KIAA1328: variants seen among roughly 807,000 people sequenced by gnomAD.
KIAA1328 encodes KIAA1328.
A neutral mutation model predicts 68.1 loss-of-function variants in KIAA1328; 52 were observed. That is an observed-to-expected ratio of 0.76 (90% confidence interval 0.61 to 0.96). The LOEUF (loss-of-function observed/expected upper bound fraction) is 0.96. Ranked by LOEUF, KIAA1328 falls within the 40% of genes least tolerant of loss-of-function variation. The pLI is 0.00. For missense variants in KIAA1328, 641 were observed against 677.6 expected (o/e 0.95, Z 0.60); for synonymous variants, 232 against 239.4 (o/e 0.97, Z 0.28).
chr18:36,940,674 C>CTTTT (rs1272164052), intron 5 of KIAA1328, among the ~76,000 whole-genome samples: 3 of 127,694 alleles, frequency 2.3e-5, no homozygotes, highest in Admixed American at 8.0e-5. Context: ...GCTCATTTTA[C>CTTTT]TTTTTTTTTT....
intron 9 of KIAA1328, among the ~76,000 whole-genome samples, chr18:37,204,072 A>AGTGCTGG (rs1364564108): frequency 6.6e-6 from 1 of 152,178 alleles, no homozygotes; most frequent in Non-Finnish European, 1.5e-5. Context: ...GGCCTCCCAA[A>AGTGCTGG]GTGCTGGGAT....
chr18:37,142,942 G>GT (rs551875920), intron 7 of KIAA1328, among the ~76,000 whole-genome samples: 24,700 of 140,162 alleles, frequency 0.18, 2,112 homozygotes, highest in African/African-American at 0.21. Flanking sequence ...ATTTACTTTG[G>GT]TTTTTTTTTT....
In KIAA1328 at chr18:37,188,663, G is replaced by A. The variant is rs117243858; in HGVS notation, c.1523+15582G>A. Among the ~76,000 whole-genome samples, 42 of 152,290 alleles carry A rather than the reference G, an allele frequency of 2.8e-4. No individual in the cohort carries two copies. The East Asian group carries it at 6.4e-3, about 23-fold the overall frequency. Reference sequence around the variant, plus strand: ...TTTCCAGAACTGTCTCCTTCAGTAAGTTTATGCCTCACCACAGTCCTCACC... The same window carrying A: ...TTTCCAGAACTGTCTCCTTCAGTAAATTTATGCCTCACCACAGTCCTCACC... On this transcript the variant is annotated intron_variant, in intron 9 of 9. Transcript: ENST00000280020.
intron 9 of KIAA1328, among the ~76,000 whole-genome samples, chr18:37,210,601 C>G (rs1465355606): frequency 6.6e-6 from 1 of 152,134 alleles, no homozygotes; most frequent in Admixed American, 6.5e-5. Flanking sequence ...TACCACACAG[C>G]CCCAGCAGGA....
At chr18:37,037,003 A>G (rs322651) in intron 6 of KIAA1328, among the ~76,000 whole-genome samples, 90,612 of 151,988 alleles carry the variant, frequency 0.6, 28,860 homozygotes, top group East Asian at 0.87. Flanking sequence ...AATTTTTTGA[A>G]TTTTCATCAT....
intron 6 of KIAA1328, among the ~76,000 whole-genome samples, chr18:37,062,335 G>GT (rs1238580639): frequency 6.6e-5 from 10 of 151,998 alleles, no homozygotes; most frequent in African/African-American, 2.2e-4. Flanking sequence ...ATATGAGTGG[G>GT]TTTTTTTCTT....
At chr18:37,188,677 A>G (rs2059848058) in intron 9 of KIAA1328, among the ~76,000 whole-genome samples, 1 of 152,152 alleles carries the variant, frequency 6.6e-6, no homozygotes, top group Admixed American at 6.5e-5. Context: ...ATGCCTCACC[A>G]CAGTCCTCAC....
At chr18:37,198,169 G>T (rs1304880117) in intron 9 of KIAA1328, among the ~76,000 whole-genome samples, 1 of 152,138 alleles carries the variant, frequency 6.6e-6, no homozygotes, top group Non-Finnish European at 1.5e-5. Context: ...ACTGTCTAGG[G>T]CTGAGAGGGG....
At chr18:37,046,856 C>T (rs1055657018) in intron 6 of KIAA1328, among the ~76,000 whole-genome samples, 7 of 152,130 alleles carry the variant, frequency 4.6e-5, no homozygotes, top group African/African-American at 1.2e-4. Context: ...TCCAGCTGGG[C>T]GCGGTGGCTC....
At chr18:37,170,017 A>G (rs970874139) in intron 8 of KIAA1328, among the ~76,000 whole-genome samples, 1 of 152,124 alleles carries the variant, frequency 6.6e-6, no homozygotes, top group African/African-American at 2.4e-5. Context: ...CACCTCACTC[A>G]CAAATCCCTT....
chr18:36,916,276 T>G (rs1709773437), intron 5 of KIAA1328, among the ~76,000 whole-genome samples: 1 of 152,120 alleles, frequency 6.6e-6, no homozygotes, highest in Non-Finnish European at 1.5e-5. Context: ...AAATCCTTTG[T>G]CTTTCTGTTT....
At chr18:37,102,380 C>T (rs1288191671) in intron 7 of KIAA1328, among the ~76,000 whole-genome samples, 1 of 152,116 alleles carries the variant, frequency 6.6e-6, no homozygotes, top group African/African-American at 2.4e-5. Context: ...CACACGTTTG[C>T]GTTTGTAACA....
At chr18:36,838,356 T>C (rs1241125539) in intron 3 of KIAA1328, among the ~76,000 whole-genome samples, 2 of 152,218 alleles carry the variant, frequency 1.3e-5, no homozygotes, top group African/African-American at 4.8e-5. Context: ...ACAGAAGTCT[T>C]TTAAATCTAC....
At chr18:37,060,911 A>T (rs1173046507) in intron 6 of KIAA1328, among the ~76,000 whole-genome samples, 1 of 152,120 alleles carries the variant, frequency 6.6e-6, no homozygotes, top group African/African-American at 2.4e-5. Flanking sequence ...AGGTCAGGAG[A>T]TCGAGACCAT....
At chr18:36,948,611 A>G (rs11081973) in intron 5 of KIAA1328, among the ~76,000 whole-genome samples, 134,088 of 148,294 alleles carry the variant, frequency 0.9, 62,091 homozygotes, top group East Asian at 1. Flanking sequence ...GTAAAATGGC[A>G]CGATCTCAGC....
intron 9 of KIAA1328, among the ~76,000 whole-genome samples, chr18:37,178,055 AT>A (rs1479952950): frequency 6.6e-6 from 1 of 152,124 alleles, no homozygotes; most frequent in Non-Finnish European, 1.5e-5. Context: ...TCTATTAAAA[AT>A]AATGGCAAAA....
intron 6 of KIAA1328, among the ~76,000 whole-genome samples, chr18:37,060,570 C>T (rs975499907): frequency 1.2e-4 from 19 of 152,216 alleles, no homozygotes; most frequent in East Asian, 9.6e-4. Flanking sequence ...ATAAACACTT[C>T]GGAAAACTTA....
chr18:37,148,675 G>A (rs1450559768), intron 7 of KIAA1328, among the ~76,000 whole-genome samples: 1 of 152,218 alleles, frequency 6.6e-6, no homozygotes, highest in Non-Finnish European at 1.5e-5. Context: ...ACTGGCATGA[G>A]ATGGTATCTC....
At chr18:36,972,607 A>G (rs1457985952) in intron 6 of KIAA1328, among the ~76,000 whole-genome samples, 4 of 152,208 alleles carry the variant, frequency 2.6e-5, no homozygotes. Flanking sequence ...GGAAAACACT[A>G]AGCAATCAAG....
Sources: gnomAD v4.1 joint callset for allele counts (sites outside exome capture counted in the v4.1 genomes callset) on GRCh38, gnomAD v4.1.1 for gene constraint, MANE v1.5 for transcripts, NCBI Gene and HGNC (gene_info 2026-07-23, HGNC 2026-07-21) for gene names.